The following USH2A variants were observed in gnomAD, a reference collection of about 807,000 sequenced individuals.
USH2A encodes usherin.
A neutral mutation model predicts 538.9 loss-of-function variants in USH2A; 443 were observed. That is an observed-to-expected ratio of 0.82 (90% CI 0.76 to 0.89). The LOEUF (loss-of-function observed/expected upper bound fraction) is 0.89, where lower values mean the gene tolerates loss of function less well. USH2A is among the 40% of genes least tolerant of loss of function. The pLI, the probability that USH2A is intolerant of heterozygous loss-of-function variation, is 0.00. For synonymous variants in USH2A, 2,413 were observed against 2,273.5 expected (o/e 1.06, Z -1.75); for missense variants, 6,633 against 6,324.8 (o/e 1.05, Z -1.65).
intron 37 of USH2A, among the ~76,000 whole-genome samples, chr1:215,961,902 A>T (rs1411067158): frequency 6.6e-6 from 1 of 151,954 alleles, no homozygotes; most frequent in South Asian, 2.1e-4. Flanking sequence ...AAAGCAGTAG[A>T]GTGCTAGGAA....
chr1:216,192,332 T>C (rs897710367), intron 19 of USH2A, among the ~76,000 whole-genome samples: 4 of 152,090 alleles, frequency 2.6e-5, no homozygotes, highest in Admixed American at 1.3e-4. Context: ...AATTGGACTT[T>C]GTTCTGCTAC....
chr1:215,867,685 A>G (rs1451316174), intron 43 of USH2A, among the ~76,000 whole-genome samples: 2 of 152,190 alleles, frequency 1.3e-5, no homozygotes, highest in African/African-American at 2.4e-5. Flanking sequence ...CCTAAATTAA[A>G]TTGTAACTGT....
intron 21 of USH2A, among the ~76,000 whole-genome samples, chr1:216,167,995 C>G (rs1201061523): frequency 1.3e-5 from 2 of 152,116 alleles, no homozygotes; most frequent in Admixed American, 1.3e-4. Context: ...TAGAAAGGAA[C>G]TTAATCTATA....
chr1:216,092,164 A>G (rs1184949339), intron 22 of USH2A, among the ~76,000 whole-genome samples: 1 of 152,204 alleles, frequency 6.6e-6, no homozygotes, highest in East Asian at 1.9e-4. Flanking sequence ...ACAGTTATTG[A>G]GTCAATCAGC....
At chr1:216,099,536 C>T (rs1162202374) in intron 21 of USH2A, among the ~76,000 whole-genome samples, 1 of 152,066 alleles carries the variant, frequency 6.6e-6, no homozygotes, top group Non-Finnish European at 1.5e-5. Flanking sequence ...ACTAAGGCAA[C>T]AAAATTCATG....
chr1:215,641,634 T>A (rs1656688230), intron 67 of USH2A, among the ~76,000 whole-genome samples: 1 of 152,208 alleles, frequency 6.6e-6, no homozygotes, highest in Non-Finnish European at 1.5e-5. Context: ...ATCAATATAT[T>A]TGTAAAAACA....
chr1:215,998,844 G>A lies in USH2A; in HGVS notation c.6657+43C>T, dbSNP rs770698966. The A allele has an allele frequency of 2.5e-6, 4 of 1,597,652 alleles. No individual in the cohort carries two copies. In the Admixed American group the frequency reaches 5.0e-5, roughly 20 times the overall value. On this transcript the variant is annotated intron_variant, in intron 34 of 71. Transcript: ENST00000307340. Reference sequence around the variant, plus strand: ...ATGGACCACGGGAAGGGGAGAAGAAGTGGAAGGAATGGGGACAGAGAAAGT... The same window carrying A: ...ATGGACCACGGGAAGGGGAGAAGAAATGGAAGGAATGGGGACAGAGAAAGT...
chr1:215,737,528 T>C (rs1384713486), intron 60 of USH2A, among the ~76,000 whole-genome samples: 1 of 151,936 alleles, frequency 6.6e-6, no homozygotes, highest in Non-Finnish European at 1.5e-5. Context: ...TTCCACTATA[T>C]ATTTTACTCT....
chr1:215,625,957 AAAGT>A lies in USH2A; in HGVS notation c.15520-91_15520-88del. Reference sequence around the variant, plus strand: ...TTATAGTTATATCAATTAAGTGTAAAAAGTAATAAGTATTAAAGGCTTTTTTATT... The same window carrying A: ...TTATAGTTATATCAATTAAGTGTAAAAATAAGTATTAAAGGCTTTTTTATT... On this transcript the variant is annotated intron_variant, in intron 71 of 71. Transcript: ENST00000307340. 5 of 1,354,204 alleles carry A rather than the reference AAAGT, an allele frequency of 3.7e-6. 1 individual carries two copies. The highest frequency in any genetic ancestry group is 5.2e-6 in the Non-Finnish European group (5 of 955,188). The allele number at this position is 1,354,204 out of a possible 1,614,324, so 83.9% of individuals were successfully genotyped here.
intron 60 of USH2A, among the ~76,000 whole-genome samples, chr1:215,732,407 T>G (rs1660022838): frequency 6.6e-6 from 1 of 152,194 alleles, no homozygotes; most frequent in South Asian, 2.1e-4. Context: ...TAGTCCCATT[T>G]TATATTCTAG....
At chr1:215,856,842 T>TGGGG (rs1347259754) in intron 44 of USH2A, among the ~76,000 whole-genome samples, 3 of 117,506 alleles carry the variant, frequency 2.6e-5, no homozygotes, top group African/African-American at 1.1e-4. Flanking sequence ...GGTGTGTGTG[T>TGGGG]GTGTGTGTGT....
At chr1:216,050,098 C>T (rs1377340789) in intron 30 of USH2A, among the ~76,000 whole-genome samples, 2 of 152,188 alleles carry the variant, frequency 1.3e-5, no homozygotes, top group Non-Finnish European at 2.9e-5. Flanking sequence ...TCATGACCTA[C>T]GTTCTGAGTT....
At chr1:215,854,140 T>C (rs1190477604) in intron 44 of USH2A, among the ~76,000 whole-genome samples, 1 of 152,186 alleles carries the variant, frequency 6.6e-6, no homozygotes, top group Non-Finnish European at 1.5e-5. Flanking sequence ...CCACATGGCT[T>C]GGGAGGCCTC....
intron 3 of USH2A, 144 bp downstream of exon 3, chr1:216,418,370 T>A: frequency 1.1e-6 from 1 of 883,760 alleles, no homozygotes; most frequent in Non-Finnish European, 1.7e-6. Flanking sequence ...ATTTAAATAT[T>A]TTTCTTCTTT....
chr1:215,723,294 T>C (rs1659714856), intron 61 of USH2A, among the ~76,000 whole-genome samples: 1 of 152,182 alleles, frequency 6.6e-6, no homozygotes, highest in African/African-American at 2.4e-5. Context: ...CTGCCTCTGC[T>C]GCTGCTGCCG....
intron 35 of USH2A, among the ~76,000 whole-genome samples, chr1:215,983,092 A>G (rs1270078762): frequency 1.3e-5 from 2 of 152,152 alleles, no homozygotes; most frequent in Non-Finnish European, 2.9e-5. Flanking sequence ...CTGGGATTAC[A>G]GGCACCTGCC....
At chr1:215,936,195 CA>C (rs1316301215) in intron 37 of USH2A, among the ~76,000 whole-genome samples, 1 of 151,936 alleles carries the variant, frequency 6.6e-6, no homozygotes, top group African/African-American at 2.4e-5. Flanking sequence ...AAGAGAAGAA[CA>C]AGCATACTGG....
intron 21 of USH2A, among the ~76,000 whole-genome samples, chr1:216,112,612 C>T (rs1351643921): frequency 6.6e-6 from 1 of 152,052 alleles, no homozygotes; most frequent in Non-Finnish European, 1.5e-5. Context: ...CTCCCTTCTG[C>T]CTCCCTTCAC....
chr1:216,324,702 CA>C (rs1436989601), intron 6 of USH2A, among the ~76,000 whole-genome samples: 14 of 152,048 alleles, frequency 9.2e-5, no homozygotes, highest in African/African-American at 3.1e-4. Flanking sequence ...TAATTATTTT[CA>C]ACATTTCATA....
Sources: allele counts gnomAD v4.1 joint callset (sites outside exome capture counted in the v4.1 genomes callset), GRCh38; gene constraint gnomAD v4.1.1; transcripts MANE v1.5; gene names NCBI Gene and HGNC (gene_info 2026-07-23, HGNC 2026-07-21).